The following SAXO1 variants were observed in gnomAD, a reference collection of about 807,000 sequenced individuals.
SAXO1 encodes 4930500O09Rik.
A neutral mutation model predicts 17.5 loss-of-function variants in SAXO1; 21 were observed. The observed-to-expected ratio is 1.20, with a 90% CI of 0.85 to 1.72. The LOEUF is 1.72. Among genes scored for constraint, SAXO1 ranks in the 40% most tolerant of loss-of-function variants. The pLI, the probability that SAXO1 is intolerant of heterozygous loss-of-function variation, is 0.00. For synonymous variants in SAXO1, 274 were observed against 216.5 expected, an observed-to-expected ratio of 1.27 and a Z score of -2.33; for missense variants, 843 against 596.0, an observed-to-expected ratio of 1.41 and a Z score of -4.32.
chr9:18,969,496 C>T (rs771182515), intron 1 of SAXO1, among the ~76,000 whole-genome samples: 14 of 152,218 alleles, frequency 9.2e-5, no homozygotes, highest in Non-Finnish European at 1.8e-4. Flanking sequence ...AAAACAGTAA[C>T]TGTTCATGAC....
chr9:18,928,785 T>A lies in SAXO1; in HGVS notation c.692A>T (p.Glu231Val). ...AGTGGTAAGGCTTTCAAAGGGGATT[T>A]CACAGGGCCTGAACTTCTCTGCTTC... Reference protein sequence around the residue: ...VHEAEKFRPCEIPFESLTTQK... With the variant: ...VHEAEKFRPCVIPFESLTTQK... Residue 231 changes from glutamate (E) to valine (V), a missense_variant, in exon 4 of 4, where the codon GAA becomes GTA. Transcript: ENST00000380534. 6.2e-7 allele frequency: 1 copy of A among 1,614,116 alleles called. No individual in the cohort carries two copies. Among genetic ancestry groups the A allele is most frequent in the South Asian group, 1.1e-5 (1 of 91,078 alleles).
intron 1 of SAXO1, among the ~76,000 whole-genome samples, chr9:18,965,586 T>C (rs924029518): frequency 7.9e-5 from 12 of 152,284 alleles, no homozygotes; most frequent in Admixed American, 6.5e-4. Flanking sequence ...TTTTTTTTCT[T>C]TCCATTTGCT....
intron 1 of SAXO1, among the ~76,000 whole-genome samples, chr9:18,959,560 C>G (rs1832400438): frequency 6.6e-6 from 1 of 152,220 alleles, no homozygotes; most frequent in Admixed American, 6.5e-5. Flanking sequence ...CACCTGAGGT[C>G]AGGAGTTCAA....
intron 1 of SAXO1, among the ~76,000 whole-genome samples, chr9:18,981,999 C>A (rs2131821984): frequency 6.6e-6 from 1 of 152,320 alleles, no homozygotes; most frequent in Non-Finnish European, 1.5e-5. Context: ...AGGCTCCTTG[C>A]TCTCTAGGCC....
intron 1 of SAXO1, among the ~76,000 whole-genome samples, chr9:19,041,455 T>C (rs1010480348): frequency 6.6e-6 from 1 of 152,142 alleles, no homozygotes; most frequent in African/African-American, 2.4e-5. Flanking sequence ...TCCTAAAATG[T>C]ATATGGAACC....
At chr9:19,042,071 A>G (rs187716832) in intron 1 of SAXO1, among the ~76,000 whole-genome samples, 77 of 151,322 alleles carry the variant, frequency 5.1e-4, no homozygotes, top group African/African-American at 1.8e-3. Flanking sequence ...CAGAATATAT[A>G]AGGAGCTCAA....
intron 1 of SAXO1, among the ~76,000 whole-genome samples, chr9:18,981,520 C>T (rs892767462): frequency 4.6e-5 from 7 of 152,140 alleles, no homozygotes; most frequent in African/African-American, 1.7e-4. Context: ...GAGCCCAGAG[C>T]CCTCACAGCA....
upstream of SAXO1, among the ~76,000 whole-genome samples, chr9:19,035,536 A>T (rs563055605): frequency 3.3e-5 from 5 of 152,344 alleles, no homozygotes; most frequent in East Asian, 7.7e-4. Flanking sequence ...TTACCCAAAA[A>T]TGAGGAAGCA....
intron 1 of SAXO1, among the ~76,000 whole-genome samples, chr9:19,006,135 G>A (rs915451367): frequency 6.6e-6 from 1 of 152,194 alleles, no homozygotes; most frequent in Non-Finnish European, 1.5e-5. Context: ...TGTTGGCAAG[G>A]CTGTAGAAAA....
At position 19,027,433 on chromosome 9, in the gene SAXO1, C is replaced by A. The variant is rs1835534974; in HGVS notation, c.38+5438G>T. 7.9e-6 allele frequency: 6 copies of A among 756,340 alleles called. No individual in the cohort carries two copies. In the East Asian group the frequency reaches 1.5e-4, roughly 18 times the overall value. 46.9% of individuals were successfully genotyped at this position (756,340 alleles called of 1,614,324 possible). On this transcript the variant is annotated intron_variant, in intron 1 of 3. Transcript: ENST00000380534. ...GGGCTTGGACAAGCAGATCCAGGAA[C>A]TGGTGGAGGCCACTGTCTTGTCAAT...
At chr9:18,964,155 C>T (rs1326654810) in intron 1 of SAXO1, among the ~76,000 whole-genome samples, 1 of 152,166 alleles carries the variant, frequency 6.6e-6, no homozygotes, top group East Asian at 1.9e-4. Flanking sequence ...TTTTGATGTG[C>T]TGCTCGATTC....
intron 1 of SAXO1, among the ~76,000 whole-genome samples, chr9:18,998,136 C>T (rs1431405854): frequency 6.6e-6 from 1 of 152,114 alleles, no homozygotes; most frequent in African/African-American, 2.4e-5. Flanking sequence ...CAAAAGTAGG[C>T]TTCAGAAGGT....
At chr9:18,940,174 C>A (rs1373205346) in intron 3 of SAXO1, among the ~76,000 whole-genome samples, 2 of 152,060 alleles carry the variant, frequency 1.3e-5, no homozygotes, top group East Asian at 3.9e-4. Flanking sequence ...CTGGAGGTCC[C>A]AAAAAGGCCA....
intron 1 of SAXO1, among the ~76,000 whole-genome samples, chr9:19,018,908 G>A (rs10963909): frequency 0.46 from 69,565 of 151,870 alleles, 17,363 homozygotes; most frequent in Non-Finnish European, 0.56. Flanking sequence ...TCAGGAGTTC[G>A]AACCCAGCCT....
chr9:19,012,651 G>T (rs1023407617), intron 1 of SAXO1, among the ~76,000 whole-genome samples: 1 of 152,184 alleles, frequency 6.6e-6, no homozygotes, highest in Non-Finnish European at 1.5e-5. Flanking sequence ...ACATCAGAAC[G>T]TGCAAATGGC....
At chr9:18,946,317 T>G (rs1185303335) in intron 2 of SAXO1, among the ~76,000 whole-genome samples, 2 of 147,068 alleles carry the variant, frequency 1.4e-5, no homozygotes, top group Non-Finnish European at 3.0e-5. Flanking sequence ...AGGACCAAGT[T>G]TGAAGCAACC....
upstream of SAXO1, among the ~76,000 whole-genome samples, chr9:19,033,628 C>G (rs957280420): frequency 6.6e-6 from 1 of 152,238 alleles, no homozygotes; most frequent in Non-Finnish European, 1.5e-5. Context: ...CTCTCACCCA[C>G]AGACCTGCGC....
chr9:19,029,390 C>G (rs909956355), intron 1 of SAXO1, among the ~76,000 whole-genome samples: 1 of 152,154 alleles, frequency 6.6e-6, no homozygotes, highest in Non-Finnish European at 1.5e-5. Flanking sequence ...TCAGGAACCC[C>G]GGTCTCCCCC....
intron 3 of SAXO1, among the ~76,000 whole-genome samples, chr9:18,938,810 ATGCG>A (rs1254410463): frequency 7.4e-5 from 8 of 107,850 alleles, no homozygotes; most frequent in African/African-American, 2.5e-4. Flanking sequence ...GGTGGGGTGC[ATGCG>A]TGCGTGCGTG....
Sources: allele counts gnomAD v4.1 joint callset (sites outside exome capture counted in the v4.1 genomes callset), GRCh38; gene constraint gnomAD v4.1.1; transcripts MANE v1.5; gene names NCBI Gene and HGNC (gene_info 2026-07-23, HGNC 2026-07-21).